Variants in TENM2 observed in about 807,000 individuals in gnomAD.
The protein encoded by TENM2 is teneurin-2.
TENM2 carries 52 observed loss-of-function variants against 245.2 expected under a neutral mutation model. The observed-to-expected ratio is 0.21, with a 90% CI of 0.17 to 0.27. The LOEUF is 0.27. Among genes scored for constraint, TENM2 ranks in the 10% least tolerant of loss-of-function variants. The pLI is 1.00. For synonymous variants in TENM2, 1,363 were observed against 1,438.9 expected (o/e 0.95, Z 1.19); for missense variants, 3,046 against 3,666.8 (o/e 0.83, Z 4.37).
chr5:168,192,820 G>A (rs1761077013), intron 14 of TENM2, among the ~76,000 whole-genome samples: 1 of 152,168 alleles, frequency 6.6e-6, no homozygotes, highest in Non-Finnish European at 1.5e-5. Context: ...TTTCAGTGGG[G>A]TTTGTAGTTT....
chr5:167,864,897 A>G lies in TENM2; in HGVS notation c.503-11089A>G, dbSNP rs190458166. The stretch of plus-strand genomic sequence containing the variant: ...AGCAATTGGCAATATTATTGTTTCT[A>G]TATACCAGGAACCGCAAGAAGTGAA... On this transcript the variant is annotated intron_variant, in intron 2 of 28. Coordinates refer to ENST00000518659, the Ensembl canonical transcript of TENM2. Among the ~76,000 whole-genome samples, 831 of 152,342 alleles carry G rather than the reference A, an allele frequency of 5.5e-3. 6 individuals are homozygous for G. Among genetic ancestry groups the G allele is most frequent in the South Asian group, 0.026 (125 of 4,822 alleles).
At chr5:167,726,643 G>T (rs12658335) in intron 2 of TENM2, among the ~76,000 whole-genome samples, 1,522 of 152,092 alleles carry the variant, frequency 0.01, 32 homozygotes, top group East Asian at 0.071. Flanking sequence ...ATTTTTTGTA[G>T]TGATGGGGTC....
At chr5:167,153,939 A>ATATTT in the TENM2 span, among the ~76,000 whole-genome samples, 15 of 152,190 alleles carry the variant, frequency 9.9e-5, no homozygotes, top group African/African-American at 3.6e-4. Flanking sequence ...TCTCCAAATT[A>ATATTT]TATTTCTGCT....
intron 2 of TENM2, among the ~76,000 whole-genome samples, chr5:167,491,389 TA>T (rs201309330): frequency 0.026 from 4,013 of 152,242 alleles, 74 homozygotes; most frequent in Non-Finnish European, 0.043. Context: ...TAATTGGTGC[TA>T]AAAGCTTGTT....
the TENM2 span, among the ~76,000 whole-genome samples, chr5:167,070,551 TTTTA>T: frequency 6.6e-6 from 1 of 152,042 alleles, no homozygotes; most frequent in African/African-American, 2.4e-5. Flanking sequence ...AATAGCTACT[TTTTA>T]TTATGTGCCA....
At chr5:167,255,139 G>A in the TENM2 span, among the ~76,000 whole-genome samples, 2 of 142,466 alleles carry the variant, frequency 1.4e-5, no homozygotes, top group South Asian at 4.4e-4. Flanking sequence ...TGTGTGCCTT[G>A]AGCTGTACAG....
At chr5:167,859,432 G>C (rs1390697059) in intron 2 of TENM2, among the ~76,000 whole-genome samples, 1 of 136,028 alleles carries the variant, frequency 7.4e-6, no homozygotes, top group African/African-American at 3.0e-5. Context: ...GGTGAGGGGC[G>C]CCTCTGCCCG....
chr5:167,270,490 C>A, the TENM2 span, among the ~76,000 whole-genome samples: 2 of 152,084 alleles, frequency 1.3e-5, no homozygotes, highest in Non-Finnish European at 2.9e-5. Flanking sequence ...GAAACTGAGG[C>A]CTATTTCCCT....
At chr5:167,020,614 G>A in the TENM2 span, among the ~76,000 whole-genome samples, 4 of 152,170 alleles carry the variant, frequency 2.6e-5, no homozygotes, top group Admixed American at 1.3e-4. Flanking sequence ...AGCCTTCTCT[G>A]TGCAACTGAT....
chr5:167,440,694 C>G (rs1466278536), intron 2 of TENM2, among the ~76,000 whole-genome samples: 2 of 152,046 alleles, frequency 1.3e-5, no homozygotes, highest in East Asian at 3.9e-4. Flanking sequence ...TTCCTTATGT[C>G]TTCTATCTTC....
intron 1 of TENM2, among the ~76,000 whole-genome samples, chr5:167,329,218 T>G (rs373472275): frequency 8.6e-5 from 13 of 152,034 alleles, no homozygotes; most frequent in African/African-American, 2.9e-4. Flanking sequence ...CATGGTCTTA[T>G]GGAGAGTTAG....
the TENM2 span, among the ~76,000 whole-genome samples, chr5:167,150,437 T>C: frequency 4.6e-5 from 7 of 152,238 alleles, no homozygotes; most frequent in African/African-American, 1.7e-4. Context: ...GTAAATTTAA[T>C]GAGTGTATTA....
chr5:167,057,725 C>T, the TENM2 span, among the ~76,000 whole-genome samples: 7 of 152,190 alleles, frequency 4.6e-5, no homozygotes, highest in Non-Finnish European at 7.3e-5. Flanking sequence ...AAAATAGTTG[C>T]TCTTCAGAGC....
the TENM2 span, among the ~76,000 whole-genome samples, chr5:167,140,225 G>A: frequency 1.6e-3 from 246 of 152,206 alleles, no homozygotes; most frequent in African/African-American, 5.7e-3. Flanking sequence ...TTTGACATAG[G>A]CATGCAATGT....
intron 2 of TENM2, among the ~76,000 whole-genome samples, chr5:167,443,267 A>G (rs1764969784): frequency 6.6e-6 from 1 of 152,154 alleles, no homozygotes; most frequent in African/African-American, 2.4e-5. Flanking sequence ...CATAATGCTG[A>G]TCTAGTAGTG....
At chr5:167,361,578 G>A (rs1024104291) in intron 1 of TENM2, among the ~76,000 whole-genome samples, 1 of 152,150 alleles carries the variant, frequency 6.6e-6, no homozygotes, top group Non-Finnish European at 1.5e-5. Context: ...AGAGTTAAAG[G>A]CCTTAAGTTC....
chr5:167,141,550 C>T, the TENM2 span, among the ~76,000 whole-genome samples: 1 of 152,078 alleles, frequency 6.6e-6, no homozygotes, highest in African/African-American at 2.4e-5. Context: ...CTGGTACAGA[C>T]ATATAGATTG....
At chr5:168,237,688 G>A (rs1167294601) in intron 25 of TENM2, among the ~76,000 whole-genome samples, 1 of 151,852 alleles carries the variant, frequency 6.6e-6, no homozygotes, top group Admixed American at 6.6e-5. Context: ...TATTTAATGT[G>A]TTTGCAGAGG....
chr5:167,712,770 C>T (rs1368433702), intron 2 of TENM2, among the ~76,000 whole-genome samples: 2 of 152,092 alleles, frequency 1.3e-5, no homozygotes, highest in South Asian at 2.1e-4. Flanking sequence ...AAAATTGGAA[C>T]ATATTTTTCC....
Sources: gnomAD v4.1 joint callset for allele counts (sites outside exome capture counted in the v4.1 genomes callset) on GRCh38, gnomAD v4.1.1 for gene constraint, MANE v1.5 for transcripts, NCBI Gene and HGNC (gene_info 2026-07-23, HGNC 2026-07-21) for gene names.